ITGA8: variants seen among roughly 807,000 people sequenced by gnomAD.
The protein encoded by ITGA8 is integrin subunit alpha 8, also known as integrin alpha-8.
ITGA8 carries 91 observed loss-of-function variants against 142.3 expected under a neutral mutation model. The ratio of observed to expected loss-of-function variants is 0.64; its 90% CI spans 0.54 to 0.76. ITGA8 has a LOEUF of 0.76. Ranked by LOEUF, ITGA8 falls within the 30% of genes least tolerant of loss-of-function variation. ITGA8 has a pLI of 0.00. For missense variants in ITGA8, 1,406 were observed against 1,327.7 expected (o/e 1.06, Z -0.92); for synonymous variants, 505 against 485.2 (o/e 1.04, Z -0.54).
At chr10:15,525,388 A>G (rs900813518) in intron 28 of ITGA8, among the ~76,000 whole-genome samples, 4 of 152,112 alleles carry the variant, frequency 2.6e-5, no homozygotes, top group Non-Finnish European at 5.9e-5. Flanking sequence ...CACATCTGTA[A>G]TCCCAGCACT....
At chr10:15,705,673 C>G (rs1480480782) in intron 2 of ITGA8, among the ~76,000 whole-genome samples, 1 of 152,216 alleles carries the variant, frequency 6.6e-6, no homozygotes, top group Non-Finnish European at 1.5e-5. Context: ...CACACTTACT[C>G]TCTCCCATTG....
At chr10:15,690,599 G>A (rs1044972636) in intron 2 of ITGA8, among the ~76,000 whole-genome samples, 2 of 152,232 alleles carry the variant, frequency 1.3e-5, no homozygotes, top group Non-Finnish European at 2.9e-5. Flanking sequence ...CTGAAACATA[G>A]CACCCCGTGG....
In ITGA8 at chr10:15,613,678, G is replaced by C. The variant is rs1186004185; in HGVS notation, c.1535C>G (p.Ser512Cys). 2 of 1,612,696 alleles carry C rather than the reference G, an allele frequency of 1.2e-6. No individual in the cohort carries two copies. Among genetic ancestry groups the C allele is most frequent in the South Asian group, 1.1e-5 (1 of 91,048 alleles). ...LENKTCQVPDSMTSAACFSLR... is the reference protein window; with the variant it reads ...LENKTCQVPDCMTSAACFSLR... ...AACTCACCAGGCAGCAGATGTCATA[G>C]AGTCTGGAACCTGGCAAGTTTTATT... The change falls in exon 15 of 30, where the codon TCT becomes TGT. Residue 512 changes from serine (S) to cysteine (C), a missense_variant. Coordinates refer to ENST00000378076, the MANE Select transcript of ITGA8 (RefSeq NM_003638.3).
intron 13 of ITGA8, among the ~76,000 whole-genome samples, chr10:15,636,882 C>A (rs1370313438): frequency 6.6e-6 from 1 of 152,184 alleles, no homozygotes; most frequent in Non-Finnish European, 1.5e-5. Context: ...CGGTGGCTCA[C>A]ACCTGTAATA....
At chr10:15,675,334 C>T (rs866560798) in intron 6 of ITGA8, among the ~76,000 whole-genome samples, 6 of 152,152 alleles carry the variant, frequency 3.9e-5, no homozygotes, top group African/African-American at 9.7e-5. Context: ...TCTCAGTGAG[C>T]GGCACCCACC....
At chr10:15,688,695 A>G (rs1396016425) in intron 2 of ITGA8, among the ~76,000 whole-genome samples, 1 of 152,244 alleles carries the variant, frequency 6.6e-6, no homozygotes, top group African/African-American at 2.4e-5. Context: ...ATAGGTCAAC[A>G]TAGCAAATCA....
At chr10:15,705,889 G>C (rs150176309) in intron 2 of ITGA8, among the ~76,000 whole-genome samples, 1 of 151,934 alleles carries the variant, frequency 6.6e-6, no homozygotes, top group Admixed American at 6.6e-5. Flanking sequence ...CAAATCCCCG[G>C]TATTTCTGTA....
At chr10:15,639,976 T>A (rs531568337) in intron 13 of ITGA8, among the ~76,000 whole-genome samples, 3 of 152,070 alleles carry the variant, frequency 2.0e-5, no homozygotes, top group Non-Finnish European at 4.4e-5. Context: ...CCTTATCAAC[T>A]CCATTGGGGA....
intron 2 of ITGA8, among the ~76,000 whole-genome samples, chr10:15,692,128 T>A (rs992966825): frequency 2.6e-5 from 4 of 152,032 alleles, no homozygotes; most frequent in African/African-American, 9.7e-5. Context: ...AGGCAAGGTT[T>A]TGCTATGTTG....
intron 26 of ITGA8, among the ~76,000 whole-genome samples, chr10:15,555,422 CTG>C (rs1454170731): frequency 6.6e-6 from 1 of 152,144 alleles, no homozygotes; most frequent in Non-Finnish European, 1.5e-5. Context: ...GAAAACAACA[CTG>C]AGAAAAAAAA....
At chr10:15,540,934 G>A (rs1189735092) in intron 27 of ITGA8, among the ~76,000 whole-genome samples, 1 of 152,186 alleles carries the variant, frequency 6.6e-6, no homozygotes, top group East Asian at 1.9e-4. Context: ...CATGGCAACA[G>A]CCCAGAAGTT....
In ITGA8 at chr10:15,671,641, G is replaced by T; in HGVS notation, c.809C>A (p.Ser270Ter). Reference protein sequence around the residue: ...ASYDDSYLGYSVAAGEFTGDS... With the variant: ...ASYDDSYLGY Reference sequence around the variant, plus strand: ...CCCAGTAAACTCCCCAGCAGCAACTGAGTATCCTGTTTTAAAGAAAAAGAA... The same window carrying T: ...CCCAGTAAACTCCCCAGCAGCAACTTAGTATCCTGTTTTAAAGAAAAAGAA... Residue 270 changes from serine to a stop codon, truncating the protein, a stop_gained, in exon 8 of 30, where the codon TCA becomes TAA. Transcript: ENST00000378076. LOFTEE classifies it high-confidence loss of function. The T allele has an allele frequency of 6.2e-7, 1 of 1,611,856 alleles. No homozygotes were observed. The highest frequency in any genetic ancestry group is 8.5e-7 in the Non-Finnish European group (1 of 1,178,216).
chr10:15,613,256 T>C (rs149273441), intron 15 of ITGA8, among the ~76,000 whole-genome samples: 1 of 152,280 alleles, frequency 6.6e-6, no homozygotes, highest in African/African-American at 2.4e-5. Flanking sequence ...TATGCCAAAA[T>C]GTAAGAGTCT....
chr10:15,624,731 C>T (rs1833551121), intron 13 of ITGA8, among the ~76,000 whole-genome samples: 1 of 152,176 alleles, frequency 6.6e-6, no homozygotes, highest in South Asian at 2.1e-4. Context: ...TAAAGACGAA[C>T]TAAGGCCATC....
intron 20 of ITGA8, among the ~76,000 whole-genome samples, chr10:15,599,543 C>G (rs1197535468): frequency 2.6e-5 from 4 of 151,994 alleles, no homozygotes; most frequent in Non-Finnish European, 5.9e-5. Flanking sequence ...AAAGGAGGAC[C>G]TGCACATAGA....
intron 11 of ITGA8, 65 bp downstream of exon 11, chr10:15,655,289 G>T: frequency 9.1e-7 from 1 of 1,097,820 alleles, no homozygotes; most frequent in Non-Finnish European, 1.3e-6. Context: ...TTTTGTGAAG[G>T]AAAAACATAA....
intron 27 of ITGA8, among the ~76,000 whole-genome samples, chr10:15,542,114 AC>A (rs956580499): frequency 2.0e-5 from 3 of 152,188 alleles, no homozygotes; most frequent in Non-Finnish European, 4.4e-5. Flanking sequence ...CCTAATTCTT[AC>A]TTTACGAGGG....
intron 29 of ITGA8, 69 bp from the exon 30 acceptor site, chr10:15,517,313 A>C (rs1405369042): frequency 6.6e-6 from 7 of 1,058,790 alleles, no homozygotes; most frequent in Non-Finnish European, 9.9e-6. Flanking sequence ...CATTCAAAGA[A>C]TTTTCACTTT....
intron 23 of ITGA8, among the ~76,000 whole-genome samples, chr10:15,586,301 T>C (rs902180653): frequency 6.6e-6 from 1 of 152,080 alleles, no homozygotes. Flanking sequence ...TCAGGTGATC[T>C]GCTCACTTTG....
Sources: gnomAD v4.1 joint callset for allele counts (sites outside exome capture counted in the v4.1 genomes callset) on GRCh38, gnomAD v4.1.1 for gene constraint, MANE v1.5 for transcripts, NCBI Gene and HGNC (gene_info 2026-07-23, HGNC 2026-07-21) for gene names.